The following ZDHHC2 variants were observed in gnomAD, a reference collection of about 807,000 sequenced individuals.
The protein encoded by ZDHHC2 is zDHHC palmitoyltransferase 2.
In ZDHHC2, 51 loss-of-function variants were observed where a neutral mutation model predicts 55.6. The observed-to-expected ratio is 0.92, with a 90% CI of 0.73 to 1.16. The LOEUF is 1.16. ZDHHC2 is among the 50% of genes most tolerant of loss of function. The probability of loss-of-function intolerance (pLI) is 0.00; values close to 1 mark genes in which losing one functional copy is unlikely to be tolerated. For missense variants in ZDHHC2, 491 were observed against 442.4 expected (o/e 1.11, Z -0.99); for synonymous variants, 199 against 152.9 (o/e 1.30, Z -2.22).
At chr8:17,178,815 C>T (rs1192914157) in intron 1 of ZDHHC2, among the ~76,000 whole-genome samples, 2 of 152,144 alleles carry the variant, frequency 1.3e-5, no homozygotes, top group Middle Eastern at 3.2e-3. Flanking sequence ...TTCAATTTTA[C>T]CTGTTTTATT....
chr8:17,196,974 T>C (rs548654143), intron 4 of ZDHHC2, among the ~76,000 whole-genome samples: 27 of 152,318 alleles, frequency 1.8e-4, no homozygotes, highest in African/African-American at 6.3e-4. Context: ...AGAATCATAA[T>C]TGAATCTTAA....
chr8:17,191,747 C>T lies in ZDHHC2; in HGVS notation c.253-3757C>T, dbSNP rs560509111. ...ATGGACACTGAGTTTCCTTTCAAAT[C>T]TTGGCTATTGTGAGTAGTGCTGCAA... On this transcript the variant is annotated intron_variant, in intron 3 of 12. Transcript: ENST00000262096. Among the ~76,000 whole-genome samples the T allele has an allele frequency of 3.3e-5, 5 of 152,260 alleles. No individual in the cohort carries two copies. In the East Asian group the frequency reaches 9.7e-4, roughly 29 times the overall value.
At position 17,191,502 on chromosome 8, in the gene ZDHHC2, C is replaced by G. The variant is rs140895737; in HGVS notation, c.253-4002C>G. 5.2e-3 allele frequency among the ~76,000 whole-genome samples: 797 copies of G among 152,330 alleles called. 4 individuals are homozygous for G. The highest frequency in any genetic ancestry group is 8.9e-3 in the Non-Finnish European group (603 of 68,018). On this transcript the variant is annotated intron_variant, in intron 3 of 12. Transcript: ENST00000262096. Reference sequence around the variant, plus strand: ...AGCCTCTGGTTGCCATCCTTTTATTCTCTATCTCTATGAGTTTAGTTGTTT... The same window carrying G: ...AGCCTCTGGTTGCCATCCTTTTATTGTCTATCTCTATGAGTTTAGTTGTTT...
At chr8:17,195,750 G>A in intron 4 of ZDHHC2, 126 bp downstream of exon 4, 1 of 1,298,398 alleles carries the variant, frequency 7.7e-7, no homozygotes, top group Non-Finnish European at 1.1e-6. Flanking sequence ...TTATTTCTTG[G>A]ATTGCTGTTA....
At position 17,199,503 on chromosome 8, in the gene ZDHHC2, T is replaced by TCTTCGTCTTCGTCTTCG. The variant is rs1554465991; in HGVS notation, c.476+1090_476+1091insCTTCGTCTTCGTCTTCG. On this transcript the variant is annotated intron_variant, in intron 6 of 12. Coordinates refer to ENST00000262096, the MANE Select transcript of ZDHHC2 (RefSeq NM_016353.5). ...CTTCTTCTTCTTCTTCTTCTTCTTC[T>TCTTCGTCTTCGTCTTCG]TCTTCTTCTTCGTCTTCGTCTTCGT... is the stretch of plus-strand genomic sequence containing the variant. 1.1e-3 allele frequency among the ~76,000 whole-genome samples: 68 copies of TCTTCGTCTTCGTCTTCG among 63,184 alleles called. 1 individual carries two copies. The highest frequency in any genetic ancestry group is 9.3e-3 in the Middle Eastern group (1 of 108). The allele number at this position is 63,184 out of a possible 152,430, so 41.5% of individuals were successfully genotyped here.
In ZDHHC2 at chr8:17,220,332, G is replaced by A. The variant is rs1807864493; in HGVS notation, c.*111G>A. On this transcript the variant is annotated 3_prime_UTR_variant, in exon 13 of 13. Coordinates refer to ENST00000262096, the MANE Select transcript of ZDHHC2 (RefSeq NM_016353.5). Reference sequence around the variant, plus strand: ...AGTCAGTTGTGCCTATGTCCCTTTGGCTGGAAATGCAGAATATGAATTGAT... The same window carrying A: ...AGTCAGTTGTGCCTATGTCCCTTTGACTGGAAATGCAGAATATGAATTGAT... 6.6e-6 allele frequency: 1 copy of A among 152,150 alleles called. No individual in the cohort carries two copies. The allele number at this position is 152,150 out of a possible 1,614,324, so 9.4% of individuals were successfully genotyped here. A position where few individuals can be genotyped will look rare whatever the true frequency, so the allele number is the denominator to read the frequency against.
chr8:17,176,306 T>C (rs1805128889), intron 1 of ZDHHC2, among the ~76,000 whole-genome samples: 1 of 152,176 alleles, frequency 6.6e-6, no homozygotes, highest in African/African-American at 2.4e-5. Context: ...ACCCTGTGTT[T>C]GGAATTCAAG....
At chr8:17,174,491 A>G (rs1805027644) in intron 1 of ZDHHC2, among the ~76,000 whole-genome samples, 1 of 152,038 alleles carries the variant, frequency 6.6e-6, no homozygotes, top group Non-Finnish European at 1.5e-5. Context: ...ATATGTTTGG[A>G]TGTTGCACTC....
chr8:17,165,651 T>A (rs751512354), intron 1 of ZDHHC2, among the ~76,000 whole-genome samples: 1 of 152,294 alleles, frequency 6.6e-6, no homozygotes, highest in Non-Finnish European at 1.5e-5. Flanking sequence ...GAGCTTACAT[T>A]TCTAATTGGG....
At chr8:17,166,546 A>G (rs1804607857) in intron 1 of ZDHHC2, among the ~76,000 whole-genome samples, 1 of 152,184 alleles carries the variant, frequency 6.6e-6, no homozygotes, top group Non-Finnish European at 1.5e-5. Flanking sequence ...AGTCTTCAGC[A>G]TATAAGTGGA....
chr8:17,207,432 G>C (rs1807157924), intron 7 of ZDHHC2, among the ~76,000 whole-genome samples: 1 of 151,982 alleles, frequency 6.6e-6, no homozygotes, highest in Non-Finnish European at 1.5e-5. Context: ...TATTATTTAA[G>C]ATAGCTTGAA....
intron 8 of ZDHHC2, 109 bp from the exon 9 acceptor site, chr8:17,209,823 A>T: frequency 7.7e-7 from 1 of 1,298,594 alleles, no homozygotes; most frequent in Non-Finnish European, 1.0e-6. Context: ...ACAGTCAGCT[A>T]GCCATTGATT....
intron 1 of ZDHHC2, among the ~76,000 whole-genome samples, chr8:17,181,673 C>G (rs1053935606): frequency 5.3e-5 from 8 of 152,096 alleles, no homozygotes; most frequent in Non-Finnish European, 1.0e-4. Context: ...TGGATTAAAA[C>G]TCAAAATCCA....
intron 6 of ZDHHC2, 66 bp downstream of exon 6, chr8:17,198,479 T>A: frequency 1.5e-5 from 21 of 1,432,982 alleles, no homozygotes; most frequent in Non-Finnish European, 2.0e-5. Context: ...AAATCACTTA[T>A]CCATGTAAAT....
intron 1 of ZDHHC2, among the ~76,000 whole-genome samples, chr8:17,179,838 C>T (rs1377431314): frequency 1.3e-5 from 2 of 152,154 alleles, no homozygotes; most frequent in Non-Finnish European, 2.9e-5. Context: ...TGCTGCAGTT[C>T]CCACAATTAA....
intron 10 of ZDHHC2, among the ~76,000 whole-genome samples, chr8:17,214,590 C>T (rs1043462504): frequency 2.6e-5 from 4 of 151,994 alleles, no homozygotes; most frequent in Non-Finnish European, 4.4e-5. Context: ...GAGAAACTCG[C>T]GTAACTTTCT....
At position 17,207,564 on chromosome 8, in the gene ZDHHC2, A is replaced by G. The variant is rs868476306; in HGVS notation, c.598-396A>G. Among the ~76,000 whole-genome samples, 12 of 152,298 alleles carry G rather than the reference A, an allele frequency of 7.9e-5. No homozygotes were observed. The Middle Eastern group carries it at 0.01, about 130-fold the overall frequency. On this transcript the variant is annotated intron_variant, in intron 7 of 12. Transcript: ENST00000262096. ...CAGTTAGCCTTCATTTTCTGGCATT[A>G]TAATGAAACTATTTAAACGTTTGTG...
intron 10 of ZDHHC2, among the ~76,000 whole-genome samples, chr8:17,214,217 A>T (rs1365553489): frequency 1.3e-5 from 2 of 152,192 alleles, no homozygotes; most frequent in Non-Finnish European, 2.9e-5. Context: ...GCCATCCAAT[A>T]TGTTGATGTA....
chr8:17,160,846 A>G (rs1804307797), intron 1 of ZDHHC2, among the ~76,000 whole-genome samples: 1 of 152,228 alleles, frequency 6.6e-6, no homozygotes, highest in Non-Finnish European at 1.5e-5. Flanking sequence ...ACTTTAACAA[A>G]TGGGCGTGGC....
Sources: allele counts gnomAD v4.1 joint callset (sites outside exome capture counted in the v4.1 genomes callset), GRCh38; gene constraint gnomAD v4.1.1; transcripts MANE v1.5; gene names NCBI Gene and HGNC (gene_info 2026-07-23, HGNC 2026-07-21).